LMBR1: variants seen among roughly 807,000 people sequenced by gnomAD.
LMBR1 encodes the protein limb region 1 protein homolog.
In LMBR1, 52 loss-of-function variants were observed where a neutral mutation model predicts 73.9. The observed-to-expected ratio is 0.70, with a 90% CI of 0.56 to 0.89. LMBR1 has a LOEUF of 0.89. Among genes scored for constraint, LMBR1 ranks in the 40% least tolerant of loss-of-function variants. The probability of loss-of-function intolerance (pLI) is 0.00; values close to 1 mark genes in which losing one functional copy is unlikely to be tolerated. For synonymous variants in LMBR1, 215 were observed against 209.4 expected, an observed-to-expected ratio of 1.03 and a Z score of -0.23; for missense variants, 539 against 579.8, an observed-to-expected ratio of 0.93 and a Z score of 0.72.
intron 15 of LMBR1, among the ~76,000 whole-genome samples, chr7:156,720,763 A>G (rs1435516677): frequency 1.3e-5 from 2 of 151,762 alleles, no homozygotes; most frequent in East Asian, 3.8e-4. Flanking sequence ...TTGGTGAGAA[A>G]TTTTCAATAT....
At chr7:156,732,346 A>G (rs1016936123) in intron 10 of LMBR1, among the ~76,000 whole-genome samples, 3 of 152,146 alleles carry the variant, frequency 2.0e-5, no homozygotes, top group Non-Finnish European at 4.4e-5. Context: ...GGAAGGAGGA[A>G]CACAAGCTGA....
At chr7:156,838,154 T>A (rs1837994932) in intron 1 of LMBR1, among the ~76,000 whole-genome samples, 1 of 152,198 alleles carries the variant, frequency 6.6e-6, no homozygotes, top group South Asian at 2.1e-4. Context: ...TGTTTTAAAA[T>A]AAGATACATT....
At chr7:156,839,396 T>C (rs1838242833) in intron 1 of LMBR1, among the ~76,000 whole-genome samples, 1 of 152,080 alleles carries the variant, frequency 6.6e-6, no homozygotes, top group South Asian at 2.1e-4. Flanking sequence ...TGAATTTCTA[T>C]CAGATCTGGG....
chr7:156,819,172 T>G (rs537365582), intron 4 of LMBR1, among the ~76,000 whole-genome samples: 1 of 152,364 alleles, frequency 6.6e-6, no homozygotes, highest in South Asian at 2.1e-4. Flanking sequence ...TTATTTTATT[T>G]GTGTTACAAA....
At chr7:156,677,300 G>A (rs144047587), downstream of LMBR1, among the ~76,000 whole-genome samples, 96 of 152,222 alleles carry the variant, frequency 6.3e-4, no homozygotes, top group African/African-American at 2.2e-3. Flanking sequence ...ACCCCTAGCC[G>A]AGTAACAGAT....
chr7:156,684,642 G>A (rs1050446147), intron 16 of LMBR1, among the ~76,000 whole-genome samples: 10 of 152,148 alleles, frequency 6.6e-5, no homozygotes, highest in African/African-American at 1.9e-4. Flanking sequence ...AGACAGATAC[G>A]TTCCCACTTG....
intron 15 of LMBR1, among the ~76,000 whole-genome samples, chr7:156,690,544 A>G (rs1806964433): frequency 6.6e-6 from 1 of 152,200 alleles, no homozygotes; most frequent in Non-Finnish European, 1.5e-5. Flanking sequence ...TGCTTTCACT[A>G]GAACTTCTTA....
At chr7:156,863,292 A>C (rs897546542) in intron 1 of LMBR1, among the ~76,000 whole-genome samples, 1 of 151,864 alleles carries the variant, frequency 6.6e-6, no homozygotes, top group Non-Finnish European at 1.5e-5. Flanking sequence ...AGCATCCAGC[A>C]TGAGAGAAAG....
intron 9 of LMBR1, among the ~76,000 whole-genome samples, chr7:156,751,398 G>C (rs1820845572): frequency 2.0e-5 from 3 of 152,140 alleles, no homozygotes. Flanking sequence ...GGGCTCAGTG[G>C]GGGAAGAGCA....
intron 4 of LMBR1, 84 bp from the exon 5 acceptor site, chr7:156,796,576 G>A (rs1830084006): frequency 1.9e-5 from 15 of 773,234 alleles, no homozygotes; most frequent in Non-Finnish European, 2.7e-5. Flanking sequence ...CTTTTAAATA[G>A]TAAAAATAAA....
chr7:156,724,246 T>C, intron 14 of LMBR1, 68 bp from the exon 15 acceptor site: 3 of 1,200,676 alleles, frequency 2.5e-6, no homozygotes, highest in Non-Finnish European at 3.6e-6. Context: ...CCCAGTAACA[T>C]TCTGAGAAAT....
At chr7:156,820,164 A>G (rs1834531536) in intron 4 of LMBR1, among the ~76,000 whole-genome samples, 2 of 152,166 alleles carry the variant, frequency 1.3e-5, no homozygotes, top group South Asian at 4.1e-4. Context: ...GGTGAGTCCA[A>G]TTACAGCTGC....
At chr7:156,697,110 A>AT (rs1563154611) in intron 15 of LMBR1, among the ~76,000 whole-genome samples, 1 of 152,238 alleles carries the variant, frequency 6.6e-6, no homozygotes. Context: ...GTGACATCAC[A>AT]TATCAGTAGG....
intron 4 of LMBR1, among the ~76,000 whole-genome samples, chr7:156,810,078 A>G (rs955114619): frequency 1.3e-5 from 2 of 152,036 alleles, no homozygotes; most frequent in East Asian, 1.9e-4. Context: ...TTAAAAAAAA[A>G]AGAGAGAGAT....
chr7:156,696,684 C>A (rs1002022774), intron 15 of LMBR1, among the ~76,000 whole-genome samples: 1 of 152,140 alleles, frequency 6.6e-6, no homozygotes, highest in African/African-American at 2.4e-5. Context: ...GAAAGACCTG[C>A]CCCCATGATT....
In LMBR1 at chr7:156,694,165, A is replaced by T. The variant is rs377684150; in HGVS notation, c.1226-5974T>A. 6.2e-3 allele frequency among the ~76,000 whole-genome samples: 915 copies of T among 148,574 alleles called. 19 individuals carry two copies. In the South Asian group the frequency reaches 0.081, roughly 13 times the overall value. On this transcript the variant is annotated intron_variant, in intron 15 of 16. Transcript: ENST00000353442. ...GAATTTATCTCACCATAATAGAGAC[A>T]TTTTTTTTTTTAAGAGACAGAATCT...
chr7:156,686,652 T>A (rs182411385), intron 16 of LMBR1, among the ~76,000 whole-genome samples: 17 of 152,340 alleles, frequency 1.1e-4, no homozygotes, highest in Non-Finnish European at 2.1e-4. Context: ...AGGCCTTTTA[T>A]ATCAGGTTAT....
chr7:156,702,013 TTATC>T (rs879370261), intron 15 of LMBR1, among the ~76,000 whole-genome samples: 33 of 152,362 alleles, frequency 2.2e-4, no homozygotes, highest in Middle Eastern at 3.4e-3. Context: ...CACATTTTCT[TTATC>T]TAGTCTATCA....
chr7:156,861,714 G>A (rs1797743508), intron 1 of LMBR1, among the ~76,000 whole-genome samples: 1 of 152,122 alleles, frequency 6.6e-6, no homozygotes. Context: ...TCTTCCACCA[G>A]ATACCCTAAA....
Sources: gnomAD v4.1 joint callset for allele counts (sites outside exome capture counted in the v4.1 genomes callset) on GRCh38, gnomAD v4.1.1 for gene constraint, MANE v1.5 for transcripts, NCBI Gene and HGNC (gene_info 2026-07-23, HGNC 2026-07-21) for gene names.